Variants in SMIM8 observed in about 807,000 individuals in gnomAD.
SMIM8 encodes the protein small integral membrane protein 8.
A neutral mutation model predicts 8.1 loss-of-function variants in SMIM8; 8 were observed. The observed-to-expected ratio is 0.99, with a 90% CI of 0.58 to 1.78. SMIM8 has a LOEUF of 1.78. Ranked by LOEUF, SMIM8 falls within the 40% of genes most tolerant of loss-of-function variation. SMIM8 has a pLI of 0.00. For missense variants in SMIM8, 126 were observed against 119.8 expected, an observed-to-expected ratio of 1.05 and a Z score of -0.24; for synonymous variants, 45 against 39.7, an observed-to-expected ratio of 1.13 and a Z score of -0.50.
chr6:87,322,737 C>T (rs1380246665), intron 1 of SMIM8, 105 bp downstream of exon 1: 1 of 152,266 alleles, frequency 6.6e-6, no homozygotes, highest in African/African-American at 2.4e-5. Context: ...GCTGCCCTGC[C>T]GGTCTCCCTC....
chr6:87,323,503 C>T (rs1321791944), intron 1 of SMIM8, among the ~76,000 whole-genome samples: 2 of 147,852 alleles, frequency 1.4e-5, no homozygotes, highest in Non-Finnish European at 3.0e-5. Flanking sequence ...CAATTCCCAC[C>T]TATGAGTGAG....
chr6:87,323,618 G>A (rs1776730036), intron 1 of SMIM8, among the ~76,000 whole-genome samples: 1 of 151,922 alleles, frequency 6.6e-6, no homozygotes, highest in East Asian at 1.9e-4. Context: ...CATTTTTTAT[G>A]GCTGCATAGT....
intron 1 of SMIM8, among the ~76,000 whole-genome samples, 187 bp from the exon 2 acceptor site, chr6:87,330,505 A>T (rs560036773): frequency 6.6e-6 from 1 of 152,136 alleles, no homozygotes; most frequent in African/African-American, 2.4e-5. Flanking sequence ...AGGGAAAATC[A>T]TTCAAAAATG....
chr6:87,331,443 A>C lies in SMIM8; in HGVS notation c.-24+731A>C, dbSNP rs190331390. On this transcript the variant is annotated intron_variant, in intron 2 of 3. Transcript: ENST00000392863. ...ATACAGATTTGTTTTCCCCAAAACA[A>C]TTTATACATGTGTGAAGAAATGACT... Among the ~76,000 whole-genome samples, 26 of 152,356 alleles carry C rather than the reference A, an allele frequency of 1.7e-4. No homozygotes were observed. The East Asian group carries it at 4.8e-3, about 28-fold the overall frequency.
intron 3 of SMIM8, among the ~76,000 whole-genome samples, chr6:87,339,889 G>T (rs1254780935): frequency 6.6e-6 from 1 of 151,618 alleles, no homozygotes; most frequent in Non-Finnish European, 1.5e-5. Context: ...GTGTAGATGG[G>T]AGAAAGCCTG....
At chr6:87,329,672 AT>A (rs951551373) in intron 1 of SMIM8, among the ~76,000 whole-genome samples, 11 of 152,144 alleles carry the variant, frequency 7.2e-5, no homozygotes, top group South Asian at 4.1e-4. Context: ...AGTGATTATA[AT>A]TTTTTTTCTT....
At chr6:87,324,756 C>CT (rs1283753446) in intron 1 of SMIM8, among the ~76,000 whole-genome samples, 11 of 152,032 alleles carry the variant, frequency 7.2e-5, no homozygotes, top group Admixed American at 3.3e-4. Flanking sequence ...GATGTGGGCT[C>CT]TTTTTTGGTT....
intron 1 of SMIM8, among the ~76,000 whole-genome samples, chr6:87,327,675 G>A (rs1179540151): frequency 6.7e-6 from 1 of 149,992 alleles, no homozygotes; most frequent in Non-Finnish European, 1.5e-5. Flanking sequence ...TTTCTCTCTG[G>A]CTGCCCTTAA....
intron 2 of SMIM8, among the ~76,000 whole-genome samples, chr6:87,334,008 A>G (rs1272360962): frequency 2.6e-5 from 4 of 152,202 alleles, no homozygotes; most frequent in African/African-American, 9.6e-5. Context: ...TGGAAGATTA[A>G]GTGGAAGCAG....
In SMIM8 at chr6:87,340,152, T is replaced by C; in HGVS notation, c.172T>C (p.Ser58Pro). ...PVMAFGLVTLSLCVAYIGYLH... is the reference protein window; with the variant it reads ...PVMAFGLVTLPLCVAYIGYLH... Reference sequence around the variant, plus strand: ...AATGGCTTTCGGATTGGTAACTCTTTCACTTTGCGTGGCATATATTGGTTA... The same window carrying C: ...AATGGCTTTCGGATTGGTAACTCTTCCACTTTGCGTGGCATATATTGGTTA... Residue 58 changes from serine to proline, a missense_variant, in exon 4 of 4, where the codon TCA (serine) becomes CCA (proline). Ser to Pro is a moderately conservative substitution (Grantham distance 74). Transcript: ENST00000392863. 3 of 1,602,618 alleles carry C rather than the reference T, an allele frequency of 1.9e-6. No individual in the cohort carries two copies. The highest frequency in any genetic ancestry group is 2.3e-5 in the South Asian group (2 of 88,434).
intron 3 of SMIM8, among the ~76,000 whole-genome samples, chr6:87,338,180 C>T (rs1215123813): frequency 5.3e-5 from 8 of 152,140 alleles, no homozygotes; most frequent in Non-Finnish European, 2.9e-5. Context: ...ATTTAAACTG[C>T]TCTGAGTCTG....
intron 2 of SMIM8, among the ~76,000 whole-genome samples, chr6:87,331,523 G>A (rs1384780326): frequency 3.3e-5 from 5 of 152,058 alleles, no homozygotes; most frequent in Admixed American, 6.5e-5. Context: ...GAATTTATTC[G>A]TCAGCCATAC....
chr6:87,334,075 A>G lies in SMIM8; in HGVS notation c.-23-2934A>G, dbSNP rs556165142. On this transcript the variant is annotated intron_variant, in intron 2 of 3. Transcript: ENST00000392863. The stretch of plus-strand genomic sequence containing the variant: ...GGAGGGGAAGAAGTGTCACACTTAA[A>G]CAACCAGATCTCACATGAACTCATA... 2.0e-5 allele frequency among the ~76,000 whole-genome samples: 3 copies of G among 152,268 alleles called. No homozygotes were observed. The South Asian group carries it at 6.2e-4, about 32-fold the overall frequency.
chr6:87,340,031 T>C (rs1562225955), intron 3 of SMIM8, 85 bp from the exon 4 acceptor site: 1 of 1,015,180 alleles, frequency 9.9e-7, no homozygotes, highest in African/African-American at 1.6e-5. Flanking sequence ...AGATGTGGCA[T>C]GTCAGGAGGA....
chr6:87,336,740 A>G lies in SMIM8; in HGVS notation c.-23-269A>G, dbSNP rs530397957. Among the ~76,000 whole-genome samples, 56 of 152,298 alleles carry G rather than the reference A, an allele frequency of 3.7e-4. No individual in the cohort carries two copies. In the Middle Eastern group the frequency reaches 0.024, roughly 65 times the overall value. The stretch of plus-strand genomic sequence containing the variant: ...TACGACGTGACTCAGAGCAACAAAC[A>G]ATTCTCCAGTCTTCTATAAAAGCAG... On this transcript the variant is annotated intron_variant, in intron 2 of 3. Coordinates refer to ENST00000392863, the MANE Select transcript of SMIM8 (RefSeq NM_001042493.3).
chr6:87,340,153 C>A lies in SMIM8; in HGVS notation c.173C>A (p.Ser58Ter). ...PVMAFGLVTL[S>*]LCVAYIGYLH... The stretch of plus-strand genomic sequence containing the variant: ...ATGGCTTTCGGATTGGTAACTCTTT[C>A]ACTTTGCGTGGCATATATTGGTTAT... Residue 58 changes from serine (S) to a stop codon, truncating the protein, a stop_gained, in exon 4 of 4, where the codon TCA (serine) becomes TAA (stop). Coordinates refer to ENST00000392863, the MANE Select transcript of SMIM8 (RefSeq NM_001042493.3). LOFTEE classifies it high-confidence loss of function. The A allele has an allele frequency of 6.2e-7, 1 of 1,601,140 alleles. No individual in the cohort carries two copies. The highest frequency in any genetic ancestry group is 1.1e-5 in the South Asian group (1 of 88,178).
intron 2 of SMIM8, among the ~76,000 whole-genome samples, chr6:87,335,845 CAAAAA>C (rs35840147): frequency 5.4e-5 from 3 of 55,960 alleles, no homozygotes; most frequent in African/African-American, 1.5e-4. Context: ...CCGTCCCTAC[CAAAAA>C]AAAAAAAAAA....
chr6:87,336,899 G>C (rs928667473), intron 2 of SMIM8, 110 bp from the exon 3 acceptor site: 2 of 729,002 alleles, frequency 2.7e-6, no homozygotes, highest in Admixed American at 3.3e-5. Context: ...AATCACATTT[G>C]GTATGTATCT....
At chr6:87,324,014 C>G (rs1038559919) in intron 1 of SMIM8, among the ~76,000 whole-genome samples, 2 of 150,244 alleles carry the variant, frequency 1.3e-5, no homozygotes, top group Non-Finnish European at 3.0e-5. Flanking sequence ...TTGCATTTCT[C>G]TGATGGCCAG....
Sources: gnomAD v4.1 joint callset for allele counts (sites outside exome capture counted in the v4.1 genomes callset) on GRCh38, gnomAD v4.1.1 for gene constraint, MANE v1.5 for transcripts, NCBI Gene and HGNC (gene_info 2026-07-23, HGNC 2026-07-21) for gene names.